The following ADGRA3 variants were observed in gnomAD, a reference collection of about 807,000 sequenced individuals.
ADGRA3 encodes G-protein coupled receptor 125.
A neutral mutation model predicts 119.8 loss-of-function variants in ADGRA3; 56 were observed. That is an observed-to-expected ratio of 0.47 (90% confidence interval 0.38 to 0.58). The LOEUF (loss-of-function observed/expected upper bound fraction) is 0.58, where lower values mean the gene tolerates loss of function less well. Among genes scored for constraint, ADGRA3 ranks in the 20% least tolerant of loss-of-function variants. The pLI is 0.00. For synonymous variants in ADGRA3, 607 were observed against 623.8 expected, an observed-to-expected ratio of 0.97 and a Z score of 0.40; for missense variants, 1,516 against 1,649.0, an observed-to-expected ratio of 0.92 and a Z score of 1.40.
At chr4:22,426,305 T>C (rs147295680) in intron 10 of ADGRA3, among the ~76,000 whole-genome samples, 123 of 152,322 alleles carry the variant, frequency 8.1e-4, no homozygotes, top group South Asian at 8.3e-4. Context: ...CTTACCATAA[T>C]GTATCACAAC....
intron 10 of ADGRA3, among the ~76,000 whole-genome samples, chr4:22,429,638 A>G (rs764052846): frequency 3.3e-5 from 5 of 151,490 alleles, no homozygotes; most frequent in Non-Finnish European, 7.4e-5. Flanking sequence ...GGCAAGAGGT[A>G]GAAGGAGGTT....
intron 10 of ADGRA3, among the ~76,000 whole-genome samples, chr4:22,427,324 T>C (rs1242362257): frequency 6.6e-6 from 1 of 152,172 alleles, no homozygotes; most frequent in Admixed American, 6.5e-5. Context: ...AATGTAGGAA[T>C]TTTATAGGGA....
Position 22,466,178 on chromosome 4 carries a change from C to T in ADGRA3, c.330-4370G>A, listed in dbSNP as rs144404565. Among the ~76,000 whole-genome samples, 729 of 152,272 alleles carry T rather than the reference C, an allele frequency of 4.8e-3. 3 individuals carry two copies. Among genetic ancestry groups the T allele is most frequent in the Non-Finnish European group, 7.4e-3 (506 of 68,024 alleles). ...GGATACCCGTGGTCCCAGCCTTGCC[C>T]ACCTTTCCTTCACCAACTCTCACTT... is the stretch of plus-strand genomic sequence containing the variant. On this transcript the variant is annotated intron_variant, in intron 2 of 18. Coordinates refer to ENST00000334304, the MANE Select transcript of ADGRA3 (RefSeq NM_145290.4).
At chr4:22,503,019 T>A (rs902344403) in intron 1 of ADGRA3, among the ~76,000 whole-genome samples, 2 of 151,660 alleles carry the variant, frequency 1.3e-5, no homozygotes, top group African/African-American at 4.9e-5. Flanking sequence ...TACAATCTAG[T>A]AGGAGAACTA....
intron 1 of ADGRA3, among the ~76,000 whole-genome samples, chr4:22,486,175 C>G (rs576660768): frequency 5.3e-5 from 8 of 152,218 alleles, no homozygotes; most frequent in African/African-American, 1.9e-4. Flanking sequence ...TTTTGCAGCC[C>G]TGTTATGGAT....
intron 4 of ADGRA3, among the ~76,000 whole-genome samples, chr4:22,453,996 G>A (rs946169577): frequency 4.6e-5 from 7 of 152,008 alleles, no homozygotes; most frequent in Admixed American, 4.6e-4. Context: ...GAGTAGCTGG[G>A]ACTACAGGCA....
rs1353305478 is a variant in ADGRA3, at chr4:22,388,081, C to T, written c.3590G>A (p.Ser1197Asn). The T allele has an allele frequency of 1.2e-6, 2 of 1,614,058 alleles. No individual in the cohort carries two copies. Among genetic ancestry groups the T allele is most frequent in the Admixed American group, 1.7e-5 (1 of 59,998 alleles). ...GCCGTTCTGCACGCTTCCTTCCACGCTCGTTGGGACATCGTAGGCATATTC... is the reference window on the plus strand; with the variant it reads ...GCCGTTCTGCACGCTTCCTTCCACGTTCGTTGGGACATCGTAGGCATATTC... Reference protein sequence around the residue: ...LREYAYDVPTSVEGSVQNGLP... With the variant: ...LREYAYDVPTNVEGSVQNGLP... The change falls in exon 19 of 19, where the codon AGC becomes AAC. Residue 1197 changes from serine (S) to asparagine (N), a missense_variant. This residue lies in a region of ADGRA3 where 1,088 missense variants were observed against 1,107.1 expected (regional missense o/e 0.98). Transcript: ENST00000334304.
intron 12 of ADGRA3, chr4:22,420,633 A>C: frequency 9.0e-6 from 5 of 557,964 alleles, no homozygotes; most frequent in East Asian, 2.9e-5. Context: ...CATTTATACC[A>C]CTGCAGTTAT....
At chr4:22,464,929 A>G (rs1339833572) in intron 2 of ADGRA3, among the ~76,000 whole-genome samples, 2 of 152,050 alleles carry the variant, frequency 1.3e-5, no homozygotes, top group African/African-American at 4.8e-5. Flanking sequence ...CAACCAAATC[A>G]CTACACTGAA....
intron 2 of ADGRA3, among the ~76,000 whole-genome samples, chr4:22,465,492 C>A (rs1220001290): frequency 6.6e-6 from 1 of 152,102 alleles, no homozygotes; most frequent in Non-Finnish European, 1.5e-5. Context: ...CTGAAGAAGC[C>A]AACAGATGGG....
chr4:22,424,335 A>C lies in ADGRA3; in HGVS notation c.1461T>G (p.Val487=). The change falls in exon 11 of 19, where the codon GTT becomes GTG. Residue 487 remains valine, a synonymous_variant. Coordinates refer to ENST00000334304, the MANE Select transcript of ADGRA3 (RefSeq NM_145290.4). ...EKSKELGDVM[V]DIASNIMLAD... ...CCAACATGATGTTACTTGCAATGTC[A>C]ACCATCACGTCACCTAGCTAGCAGG... 1 of 1,613,544 alleles carries C rather than the reference A, an allele frequency of 6.2e-7. No homozygotes were observed. The highest frequency in any genetic ancestry group is 8.5e-7 in the Non-Finnish European group (1 of 1,179,670).
In ADGRA3 at chr4:22,442,732, C is replaced by T; in HGVS notation, c.838G>A (p.Asp280Asn). The change falls in exon 7 of 19, where the codon GAT becomes AAT. Residue 280 changes from aspartate (D) to asparagine (N), a missense_variant. Asp to Asn is a conservative substitution (Grantham distance 23). Coordinates refer to ENST00000334304, the MANE Select transcript of ADGRA3 (RefSeq NM_145290.4). ...TCATCGGTTTCAACTATTCTCCCAT[C>T]CTGATACCACAACACTTGCATGTCC... ...DQDMQVLWYQDGRIVETDESQ... is the reference protein window; with the variant it reads ...DQDMQVLWYQNGRIVETDESQ... 1 of 1,613,326 alleles carries T rather than the reference C, an allele frequency of 6.2e-7. No homozygotes were observed. Among genetic ancestry groups the T allele is most frequent in the Non-Finnish European group, 8.5e-7 (1 of 1,179,458 alleles).
rs1560291618 is a variant in ADGRA3 at position 22,389,186 on chromosome 4, A to G, written c.2628-3T>C. Reference sequence around the variant, plus strand: ...TACCACCACCAATCAGGTAAAATCTAGAAGGAGGAATCACAGGAAAAACCA... The same window carrying G: ...TACCACCACCAATCAGGTAAAATCTGGAAGGAGGAATCACAGGAAAAACCA... On this transcript the variant is annotated splice_region_variant and splice_polypyrimidine_tract_variant and intron_variant, in intron 17 of 18. Transcript: ENST00000334304. 1 of 1,603,450 alleles carries G rather than the reference A, an allele frequency of 6.2e-7. No homozygotes were observed. The highest frequency in any genetic ancestry group is 1.7e-5 in the Admixed American group (1 of 59,912).
chr4:22,475,728 G>GA (rs140746057), intron 1 of ADGRA3, among the ~76,000 whole-genome samples: 48,274 of 146,166 alleles, frequency 0.33, 8,382 homozygotes, highest in Middle Eastern at 0.45. Context: ...CTCCGTCTCG[G>GA]AAAAAAAAAT....
At chr4:22,460,780 T>C (rs1717416472) in intron 3 of ADGRA3, among the ~76,000 whole-genome samples, 1 of 152,150 alleles carries the variant, frequency 6.6e-6, no homozygotes, top group African/African-American at 2.4e-5. Context: ...AGAGGGAAAA[T>C]TATTTTTCTT....
In ADGRA3 at chr4:22,388,017, C is replaced by A. The variant is rs865846039; in HGVS notation, c.3654G>T (p.Ser1218=). The change falls in exon 19 of 19, where the codon TCG becomes TCT. Residue 1218 remains serine, a synonymous_variant. Coordinates refer to ENST00000334304, the MANE Select transcript of ADGRA3 (RefSeq NM_145290.4). ...AGGCTAAATAAGCTCTTCGGCTCCTCGAGTGTCCTTCGTTATTGCCCAGCC... is the reference window on the plus strand; with the variant it reads ...AGGCTAAATAAGCTCTTCGGCTCCTAGAGTGTCCTTCGTTATTGCCCAGCC... ...KSRLGNNEGH[S]RSRRAYLAYR... 3 of 1,614,114 alleles carry A rather than the reference C, an allele frequency of 1.9e-6. No individual in the cohort carries two copies. The highest frequency in any genetic ancestry group is 2.5e-6 in the Non-Finnish European group (3 of 1,180,006).
At chr4:22,494,555 T>C (rs113816690) in intron 1 of ADGRA3, among the ~76,000 whole-genome samples, 17 of 152,088 alleles carry the variant, frequency 1.1e-4, no homozygotes, top group African/African-American at 3.6e-4. Context: ...CTCTTTCCTG[T>C]AACAATTTGA....
At chr4:22,489,250 T>G (rs61793370) in intron 1 of ADGRA3, among the ~76,000 whole-genome samples, 23,975 of 151,976 alleles carry the variant, frequency 0.16, 2,170 homozygotes, top group East Asian at 0.27. Context: ...AGAACAGTTA[T>G]GGAGGAAACA....
chr4:22,407,315 T>C (rs1279665549), intron 14 of ADGRA3, among the ~76,000 whole-genome samples: 10 of 152,070 alleles, frequency 6.6e-5, no homozygotes, highest in Admixed American at 6.6e-4. Context: ...TTGAGAATTT[T>C]AGAATACCAG....
Sources: gnomAD v4.1 joint callset for allele counts (sites outside exome capture counted in the v4.1 genomes callset) on GRCh38, gnomAD v4.1.1 for gene constraint, gnomAD v4.1.1 regional missense constraint, MANE v1.5 for transcripts, NCBI Gene and HGNC (gene_info 2026-07-23, HGNC 2026-07-21) for gene names.